The following SLC36A1 variants were observed in gnomAD, a reference collection of about 807,000 sequenced individuals.
SLC36A1 encodes solute carrier family 36 member 1, also known as proton-coupled amino acid transporter 1.
SLC36A1 carries 30 observed loss-of-function variants against 47.5 expected under a neutral mutation model. The ratio of observed to expected loss-of-function variants is 0.63; its 90% CI spans 0.47 to 0.86. The LOEUF is 0.86. SLC36A1 is among the 40% of genes least tolerant of loss of function. The probability of loss-of-function intolerance (pLI) is 0.00; values close to 1 mark genes in which losing one functional copy is unlikely to be tolerated. For synonymous variants in SLC36A1, 255 were observed against 249.7 expected (o/e 1.02, Z -0.20); for missense variants, 517 against 606.0 (o/e 0.85, Z 1.54).
chr5:151,379,586 C>A, the SLC36A1 span, among the ~76,000 whole-genome samples: 1 of 152,206 alleles, frequency 6.6e-6, no homozygotes, highest in Non-Finnish European at 1.5e-5. Flanking sequence ...CCCGCCTCGG[C>A]CTCCCAAAGT....
chr5:151,387,334 G>C, the SLC36A1 span: 1 of 152,282 alleles, frequency 6.6e-6, no homozygotes, highest in Admixed American at 6.5e-5. Flanking sequence ...GCCAGAGCAT[G>C]AGACAGAAAT....
At chr5:151,545,344 A>C in the SLC36A1 span, 1 of 1,614,190 alleles carries the variant, frequency 6.2e-7, no homozygotes, top group Non-Finnish European at 8.5e-7. Context: ...AGCAGGATTC[A>C]GCACAGATAT....
chr5:151,528,922 C>T, the SLC36A1 span, among the ~76,000 whole-genome samples: 1 of 152,188 alleles, frequency 6.6e-6, no homozygotes, highest in Admixed American at 6.5e-5. Context: ...TAACAAACCT[C>T]GCCTATCCCA....
chr5:151,500,334 AATG>A, the SLC36A1 span, among the ~76,000 whole-genome samples: 111 of 152,100 alleles, frequency 7.3e-4, 4 homozygotes, highest in Admixed American at 7.1e-3. Context: ...TCCATTTGTA[AATG>A]ATGATAGTAC....
the SLC36A1 span, among the ~76,000 whole-genome samples, chr5:151,421,650 G>A: frequency 2.0e-5 from 3 of 151,420 alleles, no homozygotes; most frequent in Non-Finnish European, 4.4e-5. Context: ...GAGTGCAGTG[G>A]TGTGACCTTG....
At chr5:151,463,758 ATCAGTTG>A in intron 3 of SLC36A1, 115 bp downstream of exon 3, 1 of 806,692 alleles carries the variant, frequency 1.2e-6, no homozygotes, top group Admixed American at 2.4e-5. Context: ...TTTTAAAAAA[ATCAGTTG>A]ACAAAAAGCG....
chr5:151,467,656 G>A, intron 6 of SLC36A1, 51 bp from the exon 7 acceptor site: 2 of 1,459,206 alleles, frequency 1.4e-6, no homozygotes, highest in East Asian at 2.3e-5. Context: ...GGATCCACCG[G>A]CCTCTGTTGT....
chr5:151,506,321 C>T, the SLC36A1 span, among the ~76,000 whole-genome samples: 1 of 152,176 alleles, frequency 6.6e-6, no homozygotes, highest in Non-Finnish European at 1.5e-5. Context: ...CTTGCAAATC[C>T]CTGCCACTAA....
chr5:151,495,644 C>G (rs866117223), downstream of SLC36A1, among the ~76,000 whole-genome samples: 1 of 152,134 alleles, frequency 6.6e-6, no homozygotes, highest in African/African-American at 2.4e-5. Flanking sequence ...ACTCCTTATG[C>G]TACCCCTTTA....
the SLC36A1 span, among the ~76,000 whole-genome samples, chr5:151,516,389 A>T: frequency 6.6e-6 from 1 of 152,026 alleles, no homozygotes; most frequent in African/African-American, 2.4e-5. Context: ...GGTTGCACAC[A>T]CCTGTAATTC....
At chr5:151,517,579 G>C in the SLC36A1 span, 150 of 1,611,896 alleles carry the variant, frequency 9.3e-5, no homozygotes, top group Middle Eastern at 9.7e-4. Context: ...TCCCCAGCCT[G>C]GGACACCCAC....
chr5:151,526,396 A>G, the SLC36A1 span, among the ~76,000 whole-genome samples: 1 of 152,386 alleles, frequency 6.6e-6, no homozygotes, highest in Non-Finnish European at 1.5e-5. Context: ...TGCATGCAAT[A>G]TGTATCTGAT....
At chr5:151,422,952 C>G in the SLC36A1 span, among the ~76,000 whole-genome samples, 1 of 152,066 alleles carries the variant, frequency 6.6e-6, no homozygotes, top group Non-Finnish European at 1.5e-5. Flanking sequence ...CCACTCCACT[C>G]CCCACACACA....
chr5:151,456,106 C>A (rs1047584999), intron 1 of SLC36A1, among the ~76,000 whole-genome samples: 3 of 152,186 alleles, frequency 2.0e-5, no homozygotes, highest in Admixed American at 1.3e-4. Flanking sequence ...TTCTTTCTCA[C>A]AAGATTCACT....
the SLC36A1 span, among the ~76,000 whole-genome samples, chr5:151,410,092 A>G: frequency 6.6e-6 from 1 of 152,224 alleles, no homozygotes; most frequent in Non-Finnish European, 1.5e-5. Context: ...AAATTGAGGC[A>G]CAGAGATAAC....
At chr5:151,471,794 T>A (rs1757347019) in intron 7 of SLC36A1, among the ~76,000 whole-genome samples, 1 of 152,210 alleles carries the variant, frequency 6.6e-6, no homozygotes, top group African/African-American at 2.4e-5. Context: ...GGATCTCCTT[T>A]TACTTGCCTG....
the SLC36A1 span, among the ~76,000 whole-genome samples, chr5:151,377,352 T>C: frequency 5.4e-5 from 8 of 146,800 alleles, no homozygotes; most frequent in Admixed American, 3.4e-4. Flanking sequence ...TCTTTCTTTT[T>C]TTTTTTTTTT....
intron 2 of SLC36A1, among the ~76,000 whole-genome samples, chr5:151,459,449 A>T (rs1755184813): frequency 6.6e-6 from 1 of 152,194 alleles, no homozygotes; most frequent in Non-Finnish European, 1.5e-5. Flanking sequence ...GTCTCCAGAA[A>T]CTGGGACCCC....
At chr5:151,455,757 G>T (rs1450623700) in intron 1 of SLC36A1, among the ~76,000 whole-genome samples, 2 of 152,308 alleles carry the variant, frequency 1.3e-5, no homozygotes, top group East Asian at 3.9e-4. Context: ...GTTGCCTGGG[G>T]GAGTGCGTCC....
Sources: gnomAD v4.1 joint callset for allele counts (sites outside exome capture counted in the v4.1 genomes callset) on GRCh38, gnomAD v4.1.1 for gene constraint, MANE v1.5 for transcripts, NCBI Gene and HGNC (gene_info 2026-07-23, HGNC 2026-07-21) for gene names.